DOCK8: variants seen among roughly 807,000 people sequenced by gnomAD.
DOCK8 encodes dedicator of cytokinesis 8.
DOCK8 carries 141 observed loss-of-function variants against 245.6 expected under a neutral mutation model. That is an observed-to-expected ratio of 0.57 (90% CI 0.50 to 0.66). The LOEUF is 0.66. Ranked by LOEUF, DOCK8 falls within the 30% of genes least tolerant of loss-of-function variation. The pLI, the probability that DOCK8 is intolerant of heterozygous loss-of-function variation, is 0.00. For missense variants in DOCK8, 2,965 were observed against 2,603.4 expected, an observed-to-expected ratio of 1.14 and a Z score of -3.02; for synonymous variants, 1,168 against 970.2, an observed-to-expected ratio of 1.20 and a Z score of -3.79.
At position 458,655 on chromosome 9, in the gene DOCK8, CA is replaced by C. The variant is rs900427704; in HGVS notation, c.6069-4854del. ...CAAAACCTCGTCTTTACAAAAAATA[CA>C]AAAAAAATTAACCGGGTGTAGTGGC... On this transcript the variant is annotated intron_variant, in intron 46 of 47. Coordinates refer to ENST00000432829, the MANE Select transcript of DOCK8 (RefSeq NM_203447.4). Among the ~76,000 whole-genome samples, 7 of 151,766 alleles carry C rather than the reference CA, an allele frequency of 4.6e-5. No homozygotes were observed. In the South Asian group the frequency reaches 8.3e-4, roughly 18 times the overall value.
At chr9:401,331 G>C (rs2055090326) in intron 26 of DOCK8, among the ~76,000 whole-genome samples, 2 of 152,190 alleles carry the variant, frequency 1.3e-5, no homozygotes. Flanking sequence ...CTCCCAGCAT[G>C]AGAACAGCCA....
At chr9:333,458 G>C (rs538956662) in intron 10 of DOCK8, among the ~76,000 whole-genome samples, 1 of 152,046 alleles carries the variant, frequency 6.6e-6, no homozygotes, top group East Asian at 1.9e-4. Flanking sequence ...AAAATTAGCC[G>C]GGCATGGTGG....
intron 5 of DOCK8, among the ~76,000 whole-genome samples, chr9:305,396 C>G (rs2130606080): frequency 1.3e-5 from 2 of 151,214 alleles, no homozygotes; most frequent in Middle Eastern, 3.4e-3. Flanking sequence ...CATTCTGCTG[C>G]CTCAGCCTCC....
At chr9:357,477 C>G (rs1563959744) in intron 14 of DOCK8, among the ~76,000 whole-genome samples, 1 of 152,210 alleles carries the variant, frequency 6.6e-6, no homozygotes, top group East Asian at 1.9e-4. Context: ...TTCTCTTTCT[C>G]TCTTTCTGTC....
intron 5 of DOCK8, among the ~76,000 whole-genome samples, chr9:311,172 C>T (rs1322323888): frequency 6.6e-6 from 1 of 151,948 alleles, no homozygotes; most frequent in Non-Finnish European, 1.5e-5. Flanking sequence ...GTAGTCCCAT[C>T]TGCTAGGGAG....
At chr9:260,973 C>G (rs1385172339) in intron 1 of DOCK8, among the ~76,000 whole-genome samples, 1 of 151,646 alleles carries the variant, frequency 6.6e-6, no homozygotes, top group Non-Finnish European at 1.5e-5. Context: ...CTTATAAACT[C>G]TATATGCACA....
intron 14 of DOCK8, among the ~76,000 whole-genome samples, chr9:356,655 C>T (rs10972190): frequency 0.56 from 85,270 of 151,944 alleles, 25,394 homozygotes; most frequent in East Asian, 0.81. Context: ...CAGTGATTAC[C>T]CTATCCTCTT....
chr9:400,839 C>G (rs1158249119), intron 26 of DOCK8, among the ~76,000 whole-genome samples: 4 of 94,614 alleles, frequency 4.2e-5, no homozygotes, highest in Non-Finnish European at 6.3e-5. Context: ...ACCATCACCA[C>G]CACCTCCACC....
chr9:279,777 C>G (rs535844895), intron 2 of DOCK8, among the ~76,000 whole-genome samples: 1 of 152,318 alleles, frequency 6.6e-6, no homozygotes, highest in Non-Finnish European at 1.5e-5. Flanking sequence ...GGTAAAGAAA[C>G]ATGCATGAGG....
intron 1 of DOCK8, among the ~76,000 whole-genome samples, chr9:219,298 C>G (rs1377578122): frequency 6.6e-6 from 1 of 151,906 alleles, no homozygotes; most frequent in Non-Finnish European, 1.5e-5. Context: ...GGCGAAACCC[C>G]GTCTCTACTA....
chr9:414,533 G>A (rs1367668985), intron 28 of DOCK8, among the ~76,000 whole-genome samples: 1 of 151,786 alleles, frequency 6.6e-6, no homozygotes, highest in African/African-American at 2.4e-5. Flanking sequence ...TGTATTGCTT[G>A]GTTTTCCAGG....
intron 44 of DOCK8, among the ~76,000 whole-genome samples, chr9:447,300 T>C (rs1365383065): frequency 1.3e-5 from 2 of 152,230 alleles, no homozygotes; most frequent in Admixed American, 1.3e-4. Context: ...CACATATATA[T>C]ACACTTATTT....
At chr9:267,783 G>A (rs552130190) in intron 1 of DOCK8, among the ~76,000 whole-genome samples, 1 of 152,168 alleles carries the variant, frequency 6.6e-6, no homozygotes, top group East Asian at 1.9e-4. Context: ...AGTATTATTT[G>A]TTCAGTGTTC....
chr9:286,689 A>G, intron 3 of DOCK8, 53 bp downstream of exon 3: 1 of 1,567,830 alleles, frequency 6.4e-7, no homozygotes, highest in Non-Finnish European at 8.8e-7. Context: ...GATTGTTTTC[A>G]ATAAGTGGGT....
intron 4 of DOCK8, among the ~76,000 whole-genome samples, chr9:297,241 T>G (rs929452220): frequency 2.6e-5 from 4 of 152,128 alleles, no homozygotes; most frequent in African/African-American, 9.7e-5. Context: ...TATTTCATAC[T>G]TGAGGAAGCT....
At chr9:290,508 A>G (rs76837479) in intron 4 of DOCK8, among the ~76,000 whole-genome samples, 2,662 of 152,224 alleles carry the variant, frequency 0.017, 86 homozygotes, top group African/African-American at 0.061. Context: ...CCAAGAAATA[A>G]ATTACTTGCT....
intron 3 of DOCK8, among the ~76,000 whole-genome samples, chr9:288,642 T>C (rs957774106): frequency 2.0e-5 from 3 of 152,198 alleles, no homozygotes; most frequent in Non-Finnish European, 4.4e-5. Context: ...CAAAGCTGTC[T>C]ACTAAAAGGG....
intron 1 of DOCK8, among the ~76,000 whole-genome samples, chr9:221,492 T>C (rs980678019): frequency 6.6e-6 from 1 of 152,110 alleles, no homozygotes; most frequent in African/African-American, 2.4e-5. Flanking sequence ...GTGTTAAGTA[T>C]TATAAATAAT....
chr9:267,683 G>A (rs2048068052), intron 1 of DOCK8, among the ~76,000 whole-genome samples: 1 of 152,070 alleles, frequency 6.6e-6, no homozygotes, highest in Admixed American at 6.5e-5. Flanking sequence ...ATTTTTTACT[G>A]TAGCTTACTT....
Sources: allele counts gnomAD v4.1 joint callset (sites outside exome capture counted in the v4.1 genomes callset), GRCh38; gene constraint gnomAD v4.1.1; transcripts MANE v1.5; gene names NCBI Gene and HGNC (gene_info 2026-07-23, HGNC 2026-07-21).